Variants in TTLL5 observed in about 807,000 individuals in gnomAD.
TTLL5 encodes tubulin tyrosine ligase like 5, also known as tubulin polyglutamylase TTLL5.
A neutral mutation model predicts 168.4 loss-of-function variants in TTLL5; 132 were observed. That is an observed-to-expected ratio of 0.78 (90% CI 0.68 to 0.91). TTLL5 has a LOEUF of 0.91. Ranked by LOEUF, TTLL5 falls within the 40% of genes least tolerant of loss-of-function variation. The pLI is 0.00. For missense variants in TTLL5, 1,545 were observed against 1,581.5 expected (o/e 0.98, Z 0.39); for synonymous variants, 546 against 558.6 (o/e 0.98, Z 0.32).
chr14:75,667,065 G>T lies in TTLL5; in HGVS notation c.75-2351G>T, dbSNP rs550884235. ...CATGACAACTTCGCATATTCCTTAAGTGCTTTTTTTTTTTAGCTGACCTTA... is the reference window on the plus strand; with the variant it reads ...CATGACAACTTCGCATATTCCTTAATTGCTTTTTTTTTTTAGCTGACCTTA... On this transcript the variant is annotated intron_variant, in intron 2 of 31. Coordinates refer to ENST00000298832, the MANE Select transcript of TTLL5 (RefSeq NM_015072.5). 1.4e-4 allele frequency among the ~76,000 whole-genome samples: 21 copies of T among 151,584 alleles called. No individual in the cohort carries two copies. In the South Asian group the frequency reaches 4.4e-3, roughly 32 times the overall value.
chr14:75,732,439 T>C lies in TTLL5; in HGVS notation c.1124+20T>C, dbSNP rs763021810. ...GGCCTGGTAAGTCAGTTCCATCAAC[T>C]AAAAAAGGACAAATCTTCAAGTAGT... On this transcript the variant is annotated intron_variant, in intron 13 of 31. Coordinates refer to ENST00000298832, the MANE Select transcript of TTLL5 (RefSeq NM_015072.5). The C allele has an allele frequency of 3.1e-6, 5 of 1,606,340 alleles. No homozygotes were observed. In the South Asian group the frequency reaches 5.6e-5, roughly 18 times the overall value.
At chr14:75,678,783 G>A (rs1884379710) in intron 3 of TTLL5, among the ~76,000 whole-genome samples, 1 of 152,132 alleles carries the variant, frequency 6.6e-6, no homozygotes, top group East Asian at 1.9e-4. Flanking sequence ...TGCAGTATTG[G>A]TGATGGCACA....
At chr14:75,758,001 T>A in intron 18 of TTLL5, 1 of 944,528 alleles carries the variant, frequency 1.1e-6, no homozygotes, top group Non-Finnish European at 1.4e-6. Context: ...AAATTTTTTC[T>A]ATTGAAAAAG....
chr14:75,752,789 A>G (rs1288118524), intron 17 of TTLL5, 104 bp from the exon 18 acceptor site: 4 of 1,029,506 alleles, frequency 3.9e-6, no homozygotes, highest in South Asian at 2.9e-5. Context: ...TAAAAACAGT[A>G]TATAAGTACC....
At position 75,902,178 on chromosome 14, in the gene TTLL5, G is replaced by C; in HGVS notation, c.3777G>C (p.Gln1259His). ...SSAEGQLNGL[Q>H]SSLNPAAFVP... is the part of the protein sequence containing the mutation. The stretch of plus-strand genomic sequence containing the variant: ...CGGAAGGGCAGCTGAATGGACTCCA[G>C]AGCAGCCTTAACCCTGCAGCCTTTG... Residue 1259 changes from glutamine (Q) to histidine (H), a missense_variant, in exon 31 of 32, where the codon CAG (glutamine) becomes CAC (histidine). Physicochemically the swap from Gln to His is conservative, Grantham distance 24. Coordinates refer to ENST00000298832, the MANE Select transcript of TTLL5 (RefSeq NM_015072.5). 2 of 1,614,164 alleles carry C rather than the reference G, an allele frequency of 1.2e-6. No homozygotes were observed. The highest frequency in any genetic ancestry group is 2.2e-5 in the East Asian group (1 of 44,884).
chr14:75,667,863 T>C (rs1005067234), intron 2 of TTLL5, among the ~76,000 whole-genome samples: 11 of 146,176 alleles, frequency 7.5e-5, no homozygotes, highest in African/African-American at 2.7e-4. Context: ...CAGGTTCAAC[T>C]GATTCTTCTG....
At chr14:75,805,697 A>C (rs929605656) in intron 27 of TTLL5, among the ~76,000 whole-genome samples, 16 of 152,340 alleles carry the variant, frequency 1.1e-4, no homozygotes, top group Middle Eastern at 3.4e-3. Flanking sequence ...GAAAATACTC[A>C]GAAAAGTCTT....
intron 24 of TTLL5, among the ~76,000 whole-genome samples, chr14:75,781,243 A>G (rs1892031319): frequency 6.6e-6 from 1 of 152,134 alleles, no homozygotes; most frequent in Non-Finnish European, 1.5e-5. Context: ...TGTTTTAAGG[A>G]CTACCTTTAC....
At chr14:75,811,693 G>T (rs1345993964) in intron 27 of TTLL5, among the ~76,000 whole-genome samples, 1 of 152,208 alleles carries the variant, frequency 6.6e-6, no homozygotes, top group Non-Finnish European at 1.5e-5. Context: ...TCTTTGAGGT[G>T]TGGACTTCTC....
intron 27 of TTLL5, among the ~76,000 whole-genome samples, chr14:75,796,117 A>G (rs1390627934): frequency 1.3e-5 from 2 of 152,110 alleles, no homozygotes; most frequent in Non-Finnish European, 2.9e-5. Context: ...TTTTAATTAT[A>G]GCCATTCTTG....
intron 15 of TTLL5, among the ~76,000 whole-genome samples, chr14:75,738,186 A>C (rs1229589344): frequency 1.3e-5 from 2 of 152,204 alleles, no homozygotes; most frequent in East Asian, 3.8e-4. Flanking sequence ...TGTTTTTGTT[A>C]GCAGTATTTG....
At chr14:75,822,117 G>A (rs540037577) in intron 28 of TTLL5, among the ~76,000 whole-genome samples, 6 of 152,212 alleles carry the variant, frequency 3.9e-5, no homozygotes, top group African/African-American at 7.2e-5. Context: ...GATATAGGCC[G>A]CAGCCAGACC....
intron 4 of TTLL5, 65 bp from the exon 5 acceptor site, chr14:75,683,485 G>C (rs1359865504): frequency 2.3e-6 from 3 of 1,328,006 alleles, no homozygotes; most frequent in Non-Finnish European, 3.2e-6. Context: ...TTCTGCCATT[G>C]CTTTTCCTGG....
Position 75,799,600 on chromosome 14 carries a change from G to A in TTLL5, c.3171+6500G>A, listed in dbSNP as rs1224789559. Among the ~76,000 whole-genome samples the A allele has an allele frequency of 2.6e-5, 4 of 152,164 alleles. No individual in the cohort carries two copies. In the East Asian group the frequency reaches 7.7e-4, roughly 29 times the overall value. On this transcript the variant is annotated intron_variant, in intron 27 of 31. Transcript: ENST00000298832. ...TGCTTTATGGAGGTTCTATTTTGGT[G>A]TATTTCGAGGTTTTGTCTCAAGATT...
chr14:75,911,386 C>G (rs954022350), intron 31 of TTLL5, among the ~76,000 whole-genome samples: 3 of 152,014 alleles, frequency 2.0e-5, no homozygotes, highest in Non-Finnish European at 4.4e-5. Flanking sequence ...TGTGGACTTG[C>G]CTTCGCTATA....
At chr14:75,722,206 C>A (rs1719086682) in intron 12 of TTLL5, among the ~76,000 whole-genome samples, 1 of 152,076 alleles carries the variant, frequency 6.6e-6, no homozygotes, top group African/African-American at 2.4e-5. Context: ...GCTCCCATTT[C>A]TTTTCTAAGA....
chr14:75,928,366 T>TATATATATATATATATATATA (rs1202108865), intron 31 of TTLL5, among the ~76,000 whole-genome samples: 17 of 142,318 alleles, frequency 1.2e-4, no homozygotes, highest in African/African-American at 4.2e-4. Flanking sequence ...TATATATATA[T>TATATATATATATATATATATA]ATCACTGTAT....
intron 31 of TTLL5, chr14:75,941,365 C>T (rs2034599028): frequency 6.6e-6 from 1 of 152,234 alleles, no homozygotes; most frequent in African/African-American, 2.4e-5. Context: ...TCCGTTTCTA[C>T]TAATGTCACT....
At chr14:75,698,588 T>A (rs1288474087) in intron 6 of TTLL5, among the ~76,000 whole-genome samples, 1 of 152,192 alleles carries the variant, frequency 6.6e-6, no homozygotes, top group Admixed American at 6.5e-5. Context: ...TTGCCTTATT[T>A]TGTTTTCATC....
Sources: allele counts gnomAD v4.1 joint callset (sites outside exome capture counted in the v4.1 genomes callset), GRCh38; gene constraint gnomAD v4.1.1; transcripts MANE v1.5; gene names NCBI Gene and HGNC (gene_info 2026-07-23, HGNC 2026-07-21).